Variants in REEP1 observed in about 807,000 individuals in gnomAD.
The protein encoded by REEP1 is receptor accessory protein 1, also known as receptor expression-enhancing protein 1.
REEP1 carries 22 observed loss-of-function variants against 40.3 expected under a neutral mutation model. The observed-to-expected ratio is 0.55, with a 90% CI of 0.39 to 0.78. REEP1 has a LOEUF of 0.78. REEP1 is among the 30% of genes least tolerant of loss of function. The pLI is 0.00. For missense variants in REEP1, 280 were observed against 361.1 expected, an observed-to-expected ratio of 0.78 and a Z score of 1.82; for synonymous variants, 116 against 139.2, an observed-to-expected ratio of 0.83 and a Z score of 1.17.
At chr2:86,329,923 C>T (rs1478015880) in intron 1 of REEP1, among the ~76,000 whole-genome samples, 1 of 152,182 alleles carries the variant, frequency 6.6e-6, no homozygotes, top group Non-Finnish European at 1.5e-5. Context: ...TCTGGAGACC[C>T]AGAGGACAGA....
intron 7 of REEP1, among the ~76,000 whole-genome samples, chr2:86,226,120 T>TCACCACCAC (rs1440778889): frequency 2.4e-5 from 1 of 41,146 alleles, no homozygotes; most frequent in Non-Finnish European, 8.1e-5. Context: ...ACCACCATCA[T>TCACCACCAC]CACCACCACC....
intron 2 of REEP1, among the ~76,000 whole-genome samples, chr2:86,281,479 T>C (rs915711815): frequency 6.6e-6 from 1 of 152,026 alleles, no homozygotes; most frequent in African/African-American, 2.4e-5. Flanking sequence ...AACACAAAAA[T>C]TAGCTGGGCG....
intron 6 of REEP1, among the ~76,000 whole-genome samples, 164 bp from the exon 7 acceptor site, chr2:86,227,562 T>C (rs1674776949): frequency 6.6e-6 from 1 of 151,656 alleles, no homozygotes; most frequent in African/African-American, 2.4e-5. Context: ...GGGGAAAGAG[T>C]CATCTCAGAT....
Position 86,265,901 on chromosome 2 carries a change from C to T in REEP1, c.106-1860G>A, listed in dbSNP as rs113749096. On this transcript the variant is annotated intron_variant, in intron 2 of 8. Coordinates refer to ENST00000538924, the MANE Select transcript of REEP1 (RefSeq NM_001371279.1). Reference sequence around the variant, plus strand: ...ACTTCATCACTATGTAATATATCCACGTAACAAACCTGCACTTGTACCCCC... The same window carrying T: ...ACTTCATCACTATGTAATATATCCATGTAACAAACCTGCACTTGTACCCCC... 8.4e-3 allele frequency among the ~76,000 whole-genome samples: 1,271 copies of T among 152,204 alleles called. 11 individuals are homozygous for T. Among genetic ancestry groups the T allele is most frequent in the African/African-American group, 0.028 (1,177 of 41,510 alleles).
chr2:86,217,471 T>C (rs1674180911), intron 8 of REEP1, among the ~76,000 whole-genome samples: 1 of 152,176 alleles, frequency 6.6e-6, no homozygotes, highest in South Asian at 2.1e-4. Flanking sequence ...GCTTTTGTTA[T>C]TTCCTTTGGG....
At chr2:86,299,822 T>C (rs934271141) in intron 1 of REEP1, among the ~76,000 whole-genome samples, 16 of 152,190 alleles carry the variant, frequency 1.1e-4, no homozygotes, top group Non-Finnish European at 1.5e-4. Flanking sequence ...TTTTAAAATA[T>C]GTAAAAAATA....
rs200155849 is a variant in REEP1 at position 86,232,828 on chromosome 2, C to T, written c.418-26G>A. On this transcript the variant is annotated intron_variant, in intron 5 of 8. Transcript: ENST00000538924. ...CTGGATACAACACAGGAGGGGCACACGTCAGAGGTCCTGCTCCACAGGTCA... is the reference window on the plus strand; with the variant it reads ...CTGGATACAACACAGGAGGGGCACATGTCAGAGGTCCTGCTCCACAGGTCA... The T allele has an allele frequency of 2.9e-5, 47 of 1,594,780 alleles. No individual in the cohort carries two copies. In the East Asian group the frequency reaches 6.9e-4, roughly 23 times the overall value.
intron 1 of REEP1, among the ~76,000 whole-genome samples, chr2:86,289,167 G>A (rs1678565443): frequency 6.6e-6 from 1 of 151,948 alleles, no homozygotes; most frequent in African/African-American, 2.4e-5. Context: ...TTTCTTACAA[G>A]AGTTTTAAAC....
intron 1 of REEP1, among the ~76,000 whole-genome samples, chr2:86,285,552 C>T (rs920008161): frequency 4.6e-5 from 7 of 152,140 alleles, no homozygotes; most frequent in African/African-American, 9.7e-5. Flanking sequence ...ACTGGGACAC[C>T]GAGGCTTAGC....
intron 1 of REEP1, among the ~76,000 whole-genome samples, chr2:86,287,650 G>C (rs114955662): frequency 4.3e-4 from 65 of 152,250 alleles, no homozygotes; most frequent in African/African-American, 1.3e-3. Flanking sequence ...ACAGAAGAAT[G>C]CTCCTTGGTT....
intron 6 of REEP1, among the ~76,000 whole-genome samples, chr2:86,227,777 C>A (rs566350603): frequency 2.4e-4 from 36 of 152,314 alleles, no homozygotes; most frequent in Admixed American, 1.8e-3. Flanking sequence ...ACCTCTGAAC[C>A]CCAAAGTGCT....
chr2:86,326,927 C>T (rs1384490931), intron 1 of REEP1, among the ~76,000 whole-genome samples: 2 of 152,154 alleles, frequency 1.3e-5, no homozygotes, highest in African/African-American at 4.8e-5. Flanking sequence ...ACTCTCTTTC[C>T]CACATTAAAA....
In REEP1 at chr2:86,337,023, G is replaced by C. The variant is rs937248637; in HGVS notation, c.32+456C>G. The stretch of plus-strand genomic sequence containing the variant: ...GTTCCGCGCTGACCCTCCAGGCAGC[G>C]CCCCTGGTTCGTCTGCGCTGTCCTT... On this transcript the variant is annotated intron_variant, in intron 1 of 8. Transcript: ENST00000538924. This position sits in a 1 kb window ranked among gnomAD's most constrained non-coding sequence, Gnocchi z 5.8. 6.6e-6 allele frequency: 1 copy of C among 152,448 alleles called. No individual in the cohort carries two copies. Among genetic ancestry groups the C allele is most frequent in the Non-Finnish European group, 1.5e-5 (1 of 68,192 alleles). 9.4% of individuals were successfully genotyped at this position (152,448 alleles called of 1,614,324 possible).
At chr2:86,322,983 TC>T (rs1680341217) in intron 1 of REEP1, among the ~76,000 whole-genome samples, 1 of 151,988 alleles carries the variant, frequency 6.6e-6, no homozygotes, top group South Asian at 2.1e-4. Context: ...GGTCAGGAGT[TC>T]AAGACTAGCA....
intron 1 of REEP1, among the ~76,000 whole-genome samples, chr2:86,298,718 A>G (rs1244719529): frequency 6.6e-6 from 1 of 152,254 alleles, no homozygotes; most frequent in African/African-American, 2.4e-5. Flanking sequence ...TGCGCAGAGC[A>G]AAGCTGTTAT....
rs1335004422 is a variant in REEP1, at chr2:86,220,068, C to A, written c.685G>T (p.Val229Phe). ...GGMKAWEPHQ[V>F]QNPLAFSDDE... ...TCAGAAAACGCCAATGGGTTTTGGA[C>A]CTGGTGGGGCTCCCATGCCTTCATA... Residue 229 changes from valine (V) to phenylalanine (F), a missense_variant, in exon 8 of 9, where the codon GTC becomes TTC. Physicochemically the swap from Val to Phe is conservative, Grantham distance 50. Around this residue, in one of 3 missense-constraint regions of REEP1, gnomAD observed 201 missense variants for 238.5 expected, o/e 0.84. Transcript: ENST00000538924. 3 of 1,232,064 alleles carry A rather than the reference C, an allele frequency of 2.4e-6. No individual in the cohort carries two copies. The African/African-American group carries it at 4.7e-5, about 19-fold the overall frequency. The allele number at this position is 1,232,064 out of a possible 1,614,324, so 76.3% of individuals were successfully genotyped here. A position where few individuals can be genotyped will look rare whatever the true frequency, so the allele number is the denominator to read the frequency against.
At chr2:86,289,397 G>A (rs181054308) in intron 1 of REEP1, among the ~76,000 whole-genome samples, 79 of 152,104 alleles carry the variant, frequency 5.2e-4, no homozygotes, top group African/African-American at 1.9e-3. Flanking sequence ...CCTATACCAC[G>A]GTGTCTTTAT....
intron 8 of REEP1, among the ~76,000 whole-genome samples, chr2:86,218,932 A>G (rs550148942): frequency 2.0e-5 from 3 of 152,332 alleles, no homozygotes; most frequent in Non-Finnish European, 2.9e-5. Context: ...GAGACTTCCT[A>G]TTTGCTTCAG....
chr2:86,257,330 GCATA>G (rs56786386), intron 3 of REEP1, among the ~76,000 whole-genome samples: 12,659 of 152,002 alleles, frequency 0.083, 1,730 homozygotes, highest in African/African-American at 0.29. Flanking sequence ...GGTCATGCAT[GCATA>G]TAGTTAAAAA....
Sources: allele counts gnomAD v4.1 joint callset (sites outside exome capture counted in the v4.1 genomes callset), GRCh38; gene constraint gnomAD v4.1.1; regional missense constraint gnomAD v4.1.1; non-coding constraint Gnocchi (gnomAD v3.1); transcripts MANE v1.5; gene names NCBI Gene and HGNC (gene_info 2026-07-23, HGNC 2026-07-21).